The following FKBP14 variants were observed in gnomAD, a reference collection of about 807,000 sequenced individuals.
FKBP14 encodes the protein peptidyl-prolyl cis-trans isomerase FKBP14.
FKBP14 carries 20 observed loss-of-function variants against 21.6 expected under a neutral mutation model. That is an observed-to-expected ratio of 0.92 (90% confidence interval 0.65 to 1.34). The LOEUF is 1.34. FKBP14 is among the 40% of genes most tolerant of loss of function. The pLI, the probability that FKBP14 is intolerant of heterozygous loss-of-function variation, is 0.00. For missense variants in FKBP14, 253 were observed against 249.0 expected (o/e 1.02, Z -0.11); for synonymous variants, 79 against 86.7 (o/e 0.91, Z 0.49).
chr7:30,007,176 A>T (rs893438923), downstream of FKBP14, among the ~76,000 whole-genome samples: 4 of 151,476 alleles, frequency 2.6e-5, no homozygotes, highest in East Asian at 3.9e-4. Context: ...AGAAGTAATT[A>T]AAAAAAAGAA....
downstream of FKBP14, among the ~76,000 whole-genome samples, chr7:30,007,647 C>T (rs1200285529): frequency 6.6e-6 from 1 of 152,174 alleles, no homozygotes; most frequent in Non-Finnish European, 1.5e-5. Context: ...ATAGAAAATA[C>T]AAATATAGGA....
chr7:30,010,926 T>C lies in FKBP14; in HGVS notation c.*3809A>G, dbSNP rs1789706220. 6.6e-6 allele frequency: 1 copy of C among 152,244 alleles called. No homozygotes were observed. 9.4% of individuals were successfully genotyped at this position (152,244 alleles called of 1,614,324 possible). ...TATTTTTGTACAGCTATGCAATGTG[T>C]GTTTTAAGCTACGTTATTACTAGAA... is the stretch of plus-strand genomic sequence containing the variant. On this transcript the variant is annotated 3_prime_UTR_variant, in exon 4 of 4. Coordinates refer to ENST00000222803, the MANE Select transcript of FKBP14 (RefSeq NM_017946.4).
rs1789760636 is a variant in FKBP14, at chr7:30,012,286, T to A, written c.*2449A>T. The A allele has an allele frequency of 6.6e-6, 1 of 152,246 alleles. No individual in the cohort carries two copies. Among genetic ancestry groups the A allele is most frequent in the East Asian group, 1.9e-4 (1 of 5,204 alleles). 9.4% of individuals were successfully genotyped at this position (152,246 alleles called of 1,614,324 possible). A position where few individuals can be genotyped will look rare whatever the true frequency, so the allele number is the denominator to read the frequency against. On this transcript the variant is annotated 3_prime_UTR_variant, in exon 4 of 4. Coordinates refer to ENST00000222803, the MANE Select transcript of FKBP14 (RefSeq NM_017946.4). ...TTTTCATTTTATACTTGTGTCCAAA[T>A]GTTTAGATGAGAACTGATACAAATT...
chr7:30,015,948 C>G lies in FKBP14; in HGVS notation c.478-1055G>C, dbSNP rs187944966. Among the ~76,000 whole-genome samples, 499 of 145,000 alleles carry G rather than the reference C, an allele frequency of 3.4e-3. 3 individuals are homozygous for G. The highest frequency in any genetic ancestry group is 0.012 in the African/African-American group (473 of 38,840). The stretch of plus-strand genomic sequence containing the variant: ...CCTTTTAGACAGAATCTTGCTCTGT[C>G]ACCCAGGCTGGAGTGCAGTGGCACC... On this transcript the variant is annotated intron_variant, in intron 3 of 3. Transcript: ENST00000222803.
intron 1 of FKBP14, among the ~76,000 whole-genome samples, chr7:30,024,931 T>C (rs1790134445): frequency 6.6e-6 from 1 of 152,204 alleles, no homozygotes; most frequent in Non-Finnish European, 1.5e-5. Context: ...ATTTTCAAAA[T>C]GCAAATCACA....
downstream of FKBP14, among the ~76,000 whole-genome samples, chr7:30,006,116 CTTTT>C (rs67895228): frequency 1.9e-4 from 21 of 110,290 alleles, no homozygotes; most frequent in Non-Finnish European, 1.8e-4. Flanking sequence ...TTAGGATAGT[CTTTT>C]TTTTTTTTTT....
rs1235130674 is a variant in FKBP14 at position 30,026,477 on chromosome 7, G to C, written c.32C>G (p.Thr11Ser). MRLFLWNAVL[T>S]LFVTSLIGAL... ...CCCAATCAAAGAAGTGACGAACAGA[G>C]TCAAGACCGCGTTCCACAAGAAAAG... Residue 11 changes from threonine (T) to serine (S), a missense_variant, in exon 1 of 4, where the codon ACT becomes AGT. Coordinates refer to ENST00000222803, the MANE Select transcript of FKBP14 (RefSeq NM_017946.4). The C allele has an allele frequency of 6.2e-7, 1 of 1,613,090 alleles. No individual in the cohort carries two copies. Among genetic ancestry groups the C allele is most frequent in the Admixed American group, 1.7e-5 (1 of 59,694 alleles).
chr7:30,016,248 CT>C (rs1358092655), intron 3 of FKBP14, among the ~76,000 whole-genome samples: 1 of 152,058 alleles, frequency 6.6e-6, no homozygotes, highest in East Asian at 1.9e-4. Context: ...GCATCTTTGA[CT>C]TGAATAAATG....
rs1244109325 is a variant in FKBP14 at position 30,026,398 on chromosome 7, G to A, written c.111C>T (p.Ile37=). 6.2e-7 allele frequency: 1 copy of A among 1,614,192 alleles called. No individual in the cohort carries two copies. The highest frequency in any genetic ancestry group is 1.1e-5 in the South Asian group (1 of 91,078). The part of the protein sequence containing the change: ...VKIEVLQKPF[I]CHRKTKGGDL... ...CCCCTCCTTTGGTCTTGCGATGGCAGATGAATGGCTTCTGGAGAACTTCAA... is the reference window on the plus strand; with the variant it reads ...CCCCTCCTTTGGTCTTGCGATGGCAAATGAATGGCTTCTGGAGAACTTCAA... The change falls in exon 1 of 4, where the codon ATC becomes ATT. Residue 37 remains isoleucine (I), a synonymous_variant. Transcript: ENST00000222803.
intron 2 of FKBP14, 67 bp downstream of exon 2, chr7:30,022,598 A>C (rs1790063778): frequency 6.6e-7 from 1 of 1,506,110 alleles, no homozygotes. Flanking sequence ...AGTGACTCTA[A>C]CTTCTGTCTC....
At chr7:30,018,034 TAAA>T (rs1789939419) in intron 3 of FKBP14, among the ~76,000 whole-genome samples, 2 of 151,502 alleles carry the variant, frequency 1.3e-5, no homozygotes, top group African/African-American at 4.8e-5. Flanking sequence ...AATAAATAAA[TAAA>T]TAAATAAATA....
At chr7:30,019,204 A>G in intron 2 of FKBP14, 81 bp from the exon 3 acceptor site, 1 of 1,398,252 alleles carries the variant, frequency 7.2e-7, no homozygotes, top group South Asian at 1.4e-5. Flanking sequence ...TGGACAAAGT[A>G]TTTTTTTTAA....
In FKBP14 at chr7:30,020,500, GAAACCATGGATAGT is replaced by G. The variant is rs1327722312; in HGVS notation, c.350-1391_350-1378del. Among the ~76,000 whole-genome samples, 7 of 152,238 alleles carry G rather than the reference GAAACCATGGATAGT, an allele frequency of 4.6e-5. No individual in the cohort carries two copies. The East Asian group carries it at 9.7e-4, about 21-fold the overall frequency. On this transcript the variant is annotated intron_variant, in intron 2 of 3. Transcript: ENST00000222803. Reference sequence around the variant, plus strand: ...GTCCCAAGAATCCCATTAGATGCCTGAAACCATGGATAGTACCAAACCCCATACATACAATGCTT... The same window carrying G: ...GTCCCAAGAATCCCATTAGATGCCTGACCAAACCCCATACATACAATGCTT...
chr7:30,017,566 TA>T lies in FKBP14; in HGVS notation c.477+1429del, dbSNP rs541132117. On this transcript the variant is annotated intron_variant, in intron 3 of 3. Transcript: ENST00000222803. The stretch of plus-strand genomic sequence containing the variant: ...CCTGGCAACAGAGTGAGATTCCGTC[TA>T]AAAAAAAAAAAAACAGTAAATAATA... 1.2e-3 allele frequency among the ~76,000 whole-genome samples: 166 copies of T among 137,590 alleles called. 1 individual carries two copies. Among genetic ancestry groups the T allele is most frequent in the South Asian group, 0.011 (49 of 4,320 alleles). The allele number at this position is 137,590 out of a possible 152,430, so 90.3% of individuals were successfully genotyped here.
Position 30,014,958 on chromosome 7 carries a change from A to G in FKBP14, c.478-65T>C, listed in dbSNP as rs1289956706. On this transcript the variant is annotated intron_variant, in intron 3 of 3. Transcript: ENST00000222803. ...AGATACCCACATTGAGCCAATCAAT[A>G]TCACAGACATGGACTGTTATTATAT... is the stretch of plus-strand genomic sequence containing the variant. 1.9e-5 allele frequency: 20 copies of G among 1,077,030 alleles called. No homozygotes were observed. In the Admixed American group the frequency reaches 5.0e-4, roughly 27 times the overall value. The allele number at this position is 1,077,030 out of a possible 1,614,324, so 66.7% of individuals were successfully genotyped here.
downstream of FKBP14, among the ~76,000 whole-genome samples, chr7:30,009,828 A>G (rs931188064): frequency 1.6e-5 from 2 of 127,866 alleles, no homozygotes; most frequent in Non-Finnish European, 3.3e-5. Flanking sequence ...TGTCTCTACT[A>G]AAAAAAAAAA....
chr7:30,020,815 A>C (rs988428744), intron 2 of FKBP14, among the ~76,000 whole-genome samples: 1 of 152,226 alleles, frequency 6.6e-6, no homozygotes, highest in Admixed American at 6.5e-5. Flanking sequence ...CATTCTCAGC[A>C]TCAGAAAAAA....
rs1458096109 is a variant in FKBP14 at position 30,026,642 on chromosome 7, T to C, written c.-134A>G. ...CAGGACTCCCCCTTCTTAGAAGACG[T>C]GGCACATTTACCACCAACTCTTTTC... is the stretch of plus-strand genomic sequence containing the variant. On this transcript the variant is annotated 5_prime_UTR_variant, in exon 1 of 4. Coordinates refer to ENST00000222803, the MANE Select transcript of FKBP14 (RefSeq NM_017946.4). 5 of 734,594 alleles carry C rather than the reference T, an allele frequency of 6.8e-6. No homozygotes were observed. The highest frequency in any genetic ancestry group is 1.1e-5 in the Non-Finnish European group (5 of 466,784). The allele number at this position is 734,594 out of a possible 1,614,324, so 45.5% of individuals were successfully genotyped here.
rs1192286902 is a variant in FKBP14, at chr7:30,026,520, A to T, written c.-12T>A. On this transcript the variant is annotated 5_prime_UTR_variant, in exon 1 of 4. Transcript: ENST00000222803. ...AAGAAAAGCCTCATGTTGCTGAAGC[A>T]AGGAAAGAAGTCCCTACAAAAGCAG... is the stretch of plus-strand genomic sequence containing the variant. The T allele has an allele frequency of 1.2e-6, 2 of 1,600,338 alleles. No individual in the cohort carries two copies. The highest frequency in any genetic ancestry group is 1.7e-6 in the Non-Finnish European group (2 of 1,174,162).
Sources: gnomAD v4.1 joint callset for allele counts (sites outside exome capture counted in the v4.1 genomes callset) on GRCh38, gnomAD v4.1.1 for gene constraint, MANE v1.5 for transcripts, NCBI Gene and HGNC (gene_info 2026-07-23, HGNC 2026-07-21) for gene names.